RUSC2: variants seen among roughly 807,000 people sequenced by gnomAD.
RUSC2 encodes the protein RUN and SH3 domain containing 2.
Under a neutral mutation model 122.2 loss-of-function variants are expected in RUSC2, and 34 were observed. The observed-to-expected ratio is 0.28, with a 90% CI of 0.21 to 0.37. RUSC2 has a LOEUF of 0.37. RUSC2 is among the 10% of genes least tolerant of loss of function. RUSC2 has a pLI of 1.00. For synonymous variants in RUSC2, 784 were observed against 790.0 expected (o/e 0.99, Z 0.13); for missense variants, 1,747 against 1,952.4 (o/e 0.89, Z 1.98).
At chr9:35,498,359 C>T (rs1275529526) in intron 1 of RUSC2, among the ~76,000 whole-genome samples, 3 of 151,674 alleles carry the variant, frequency 2.0e-5, no homozygotes, top group Non-Finnish European at 4.4e-5. Context: ...GCCAAAATGG[C>T]GAAACCCTGT....
chr9:35,560,314 A>G lies in RUSC2; in HGVS notation c.3674A>G (p.Gln1225Arg). The change falls in exon 10 of 12, where the codon CAA (glutamine) becomes CGA (arginine). Residue 1225 changes from glutamine to arginine, a missense_variant. Coordinates refer to ENST00000361226, the MANE Select transcript of RUSC2 (RefSeq NM_014806.5). ...EGPGDVDRAA[Q>R]GERVKGVGAS... Reference sequence around the variant, plus strand: ...CCTGGAGACGTGGACAGGGCAGCCCAAGGGGAGCGGGTGAAGGGTGTGGGT... The same window carrying G: ...CCTGGAGACGTGGACAGGGCAGCCCGAGGGGAGCGGGTGAAGGGTGTGGGT... 1.2e-6 allele frequency: 2 copies of G among 1,603,966 alleles called. No homozygotes were observed. Among genetic ancestry groups the G allele is most frequent in the Non-Finnish European group, 8.5e-7 (1 of 1,174,538 alleles).
At chr9:35,523,828 A>T (rs557018631) in intron 1 of RUSC2, among the ~76,000 whole-genome samples, 5 of 152,038 alleles carry the variant, frequency 3.3e-5, no homozygotes, top group Admixed American at 6.6e-5. Context: ...AAATTAAAAA[A>T]AAAAAATAAA....
In RUSC2 at chr9:35,503,621, G is replaced by T. The variant is rs1820857567; in HGVS notation, c.-93+13449G>T. On this transcript the variant is annotated intron_variant, in intron 1 of 11. Transcript: ENST00000361226. Reference sequence around the variant, plus strand: ...TTCTTTTCCTTTGGGTAGATACCCAGTAGTGGGATTGCTGGGTCAAATGGT... The same window carrying T: ...TTCTTTTCCTTTGGGTAGATACCCATTAGTGGGATTGCTGGGTCAAATGGT... 2.0e-5 allele frequency among the ~76,000 whole-genome samples: 3 copies of T among 152,142 alleles called. No homozygotes were observed. In the South Asian group the frequency reaches 6.2e-4, roughly 32 times the overall value.
intron 1 of RUSC2, among the ~76,000 whole-genome samples, chr9:35,528,817 G>A (rs1821367762): frequency 6.6e-6 from 1 of 152,156 alleles, no homozygotes; most frequent in Non-Finnish European, 1.5e-5. Flanking sequence ...CGGGCATGGT[G>A]TCTCACACCT....
At chr9:35,521,390 G>A (rs891599440) in intron 1 of RUSC2, among the ~76,000 whole-genome samples, 5 of 152,140 alleles carry the variant, frequency 3.3e-5, no homozygotes, top group African/African-American at 1.2e-4. Context: ...GACCCTAGGG[G>A]CAAAGCTAGG....
Position 35,558,591 on chromosome 9 carries a change from C to A in RUSC2, c.3341+24C>A, listed in dbSNP as rs769388141. ...AAGTGAGTGCACAGAGCAGCAAGATCCCCTAAACAACTTGCCCTGCCCCCC... is the reference window on the plus strand; with the variant it reads ...AAGTGAGTGCACAGAGCAGCAAGATACCCTAAACAACTTGCCCTGCCCCCC... On this transcript the variant is annotated intron_variant, in intron 8 of 11. Transcript: ENST00000361226. The surrounding 1 kb of genome is among the most constrained non-coding windows in gnomAD (Gnocchi z 4.3). The A allele has an allele frequency of 1.9e-6, 3 of 1,583,330 alleles. No homozygotes were observed. Among genetic ancestry groups the A allele is most frequent in the South Asian group, 1.1e-5 (1 of 90,462 alleles).
Position 35,559,081 on chromosome 9 carries a change from C to T in RUSC2, c.3342-145C>T. The T allele has an allele frequency of 4.2e-6, 3 of 715,606 alleles. No homozygotes were observed. The South Asian group carries it at 4.8e-5, about 11-fold the overall frequency. 44.3% of individuals were successfully genotyped at this position (715,606 alleles called of 1,614,324 possible). ...ATGTCCATCTCCCTCCACACATCCCCACTGACTTTCTGGAATTAGGTGAAA... is the reference window on the plus strand; with the variant it reads ...ATGTCCATCTCCCTCCACACATCCCTACTGACTTTCTGGAATTAGGTGAAA... On this transcript the variant is annotated intron_variant, in intron 8 of 11. Coordinates refer to ENST00000361226, the MANE Select transcript of RUSC2 (RefSeq NM_014806.5).
At chr9:35,559,693 C>T (rs1202864981) in intron 9 of RUSC2, among the ~76,000 whole-genome samples, 2 of 152,182 alleles carry the variant, frequency 1.3e-5, no homozygotes, top group Non-Finnish European at 2.9e-5. Context: ...CGAGATCATG[C>T]CACTGCACTC....
At position 35,493,280 on chromosome 9, in the gene RUSC2, C is replaced by T. The variant is rs1820604721; in HGVS notation, c.-93+3108C>T. 2.6e-5 allele frequency among the ~76,000 whole-genome samples: 4 copies of T among 152,226 alleles called. No homozygotes were observed. In the South Asian group the frequency reaches 8.3e-4, roughly 32 times the overall value. On this transcript the variant is annotated intron_variant, in intron 1 of 11. Coordinates refer to ENST00000361226, the MANE Select transcript of RUSC2 (RefSeq NM_014806.5). Reference sequence around the variant, plus strand: ...TTAGTTTGCTAAGGATAATAGCCTCCAGCTCCATCTATGTTTCTGCAAAAG... The same window carrying T: ...TTAGTTTGCTAAGGATAATAGCCTCTAGCTCCATCTATGTTTCTGCAAAAG...
Position 35,560,366 on chromosome 9 carries a change from GGAA to G in RUSC2, c.3732_3734del (p.Glu1246del), listed in dbSNP as rs774481976. 3.1e-6 allele frequency: 5 copies of G among 1,612,488 alleles called. No individual in the cohort carries two copies. Among genetic ancestry groups the G allele is most frequent in the Non-Finnish European group, 1.7e-6 (2 of 1,179,462 alleles). On this transcript the variant is annotated inframe_deletion, in exon 10 of 12. Transcript: ENST00000361226. ...CCTCAGAAGGTGGAGAAGAGGAAGA[GGAA>G]GAAGAGGAGACAGAAGAGGTGGCAG...
chr9:35,546,584 C>A lies in RUSC2; in HGVS notation c.63C>A (p.His21Gln), dbSNP rs2132550715. Residue 21 changes from histidine (H) to glutamine (Q), a missense_variant, in exon 2 of 12, where the codon CAC becomes CAA. Transcript: ENST00000361226. The surrounding 1 kb of genome is among the most constrained non-coding windows in gnomAD (Gnocchi z 4.3). ...TCGTTCATCACATCCCCCTGGTGCA[C>A]TGCCAAGTCCCAGACAGGCAGTGCT... ...TLIVHHIPLV[H>Q]CQVPDRQCCG... 1 of 1,508,372 alleles carries A rather than the reference C, an allele frequency of 6.6e-7. No homozygotes were observed. Among genetic ancestry groups the A allele is most frequent in the Admixed American group, 2.3e-5 (1 of 42,896 alleles). The allele number at this position is 1,508,372 out of a possible 1,614,324, so 93.4% of individuals were successfully genotyped here.
In RUSC2 at chr9:35,547,683, C is replaced by G. The variant is rs891776488; in HGVS notation, c.1162C>G (p.Arg388Gly). Residue 388 changes from arginine (R) to glycine (G), a missense_variant, in exon 2 of 12, where the codon CGT becomes GGT. Coordinates refer to ENST00000361226, the MANE Select transcript of RUSC2 (RefSeq NM_014806.5). The surrounding 1 kb of genome is among the most constrained non-coding windows in gnomAD (Gnocchi z 4.6). ...DLTACFQSQA[R>G]LVVATQNYYK... ...CACAGCCTGCTTCCAAAGCCAGGCC[C>G]GTCTTGTTGTGGCCACACAAAATTA... The G allele has an allele frequency of 2.4e-5, 39 of 1,614,180 alleles. No homozygotes were observed. The highest frequency in any genetic ancestry group is 3.2e-5 in the Non-Finnish European group (38 of 1,180,038).
At chr9:35,559,729 A>G (rs1242124415) in intron 9 of RUSC2, among the ~76,000 whole-genome samples, 5 of 152,150 alleles carry the variant, frequency 3.3e-5, no homozygotes, top group African/African-American at 4.8e-5. Context: ...AGTGAGACTC[A>G]GTCTCAAAAA....
intron 1 of RUSC2, among the ~76,000 whole-genome samples, chr9:35,516,022 A>AAAAAAG (rs1554724501): frequency 2.4e-5 from 3 of 127,112 alleles, no homozygotes; most frequent in South Asian, 2.5e-4. Context: ...AAAAAAAAAA[A>AAAAAAG]AGAGAAATGC....
At chr9:35,502,227 A>G (rs555958671) in intron 1 of RUSC2, among the ~76,000 whole-genome samples, 27 of 152,320 alleles carry the variant, frequency 1.8e-4, no homozygotes, top group African/African-American at 6.3e-4. Context: ...TGACTCTTAG[A>G]TCTAAACTCT....
At chr9:35,492,221 C>T (rs150286910) in intron 1 of RUSC2, among the ~76,000 whole-genome samples, 1 of 152,214 alleles carries the variant, frequency 6.6e-6, no homozygotes, top group Admixed American at 6.5e-5. Context: ...AAATAAACAA[C>T]AGGGAGTCCT....
At chr9:35,499,300 A>G (rs761575450) in intron 1 of RUSC2, among the ~76,000 whole-genome samples, 2 of 152,214 alleles carry the variant, frequency 1.3e-5, no homozygotes, top group Non-Finnish European at 2.9e-5. Context: ...AAAACAAAAA[A>G]CAAAATAGTA....
At chr9:35,517,824 A>G (rs1456320997) in intron 1 of RUSC2, among the ~76,000 whole-genome samples, 1 of 152,052 alleles carries the variant, frequency 6.6e-6, no homozygotes. Context: ...TATTTCTGAA[A>G]TACTTTAGTC....
chr9:35,494,934 TTATA>T lies in RUSC2; in HGVS notation c.-93+4767_-93+4770del, dbSNP rs965762315. Among the ~76,000 whole-genome samples the T allele has an allele frequency of 6.1e-4, 79 of 129,772 alleles. 1 individual carries two copies. Among genetic ancestry groups the T allele is most frequent in the African/African-American group, 2.2e-3 (77 of 34,850 alleles). The allele number at this position is 129,772 out of a possible 152,430, so 85.1% of individuals were successfully genotyped here. A position where few individuals can be genotyped will look rare whatever the true frequency, so the allele number is the denominator to read the frequency against. On this transcript the variant is annotated intron_variant, in intron 1 of 11. Coordinates refer to ENST00000361226, the MANE Select transcript of RUSC2 (RefSeq NM_014806.5). ...ATATATTATACATATTATATAAAAT[TTATA>T]TATAATATATATTATACATATATAA...
Sources: allele counts gnomAD v4.1 joint callset (sites outside exome capture counted in the v4.1 genomes callset), GRCh38; gene constraint gnomAD v4.1.1; non-coding constraint Gnocchi (gnomAD v3.1); transcripts MANE v1.5; gene names NCBI Gene and HGNC (gene_info 2026-07-23, HGNC 2026-07-21).